Variants in MADD observed in about 807,000 individuals in gnomAD.
MADD encodes the protein MAP kinase-activating death domain protein.
Under a neutral mutation model 176.7 loss-of-function variants are expected in MADD, and 109 were observed. The observed-to-expected ratio is 0.62, with a 90% confidence interval of 0.53 to 0.72. MADD has a LOEUF of 0.72. Ranked by LOEUF, MADD falls within the 30% of genes least tolerant of loss-of-function variation. The pLI is 0.00. For synonymous variants in MADD, 771 were observed against 771.3 expected, an observed-to-expected ratio of 1.00 and a Z score of 0.01; for missense variants, 1,914 against 2,045.5, an observed-to-expected ratio of 0.94 and a Z score of 1.24.
Position 47,324,594 on chromosome 11 carries a change from G to A in MADD, c.4542+17G>A, listed in dbSNP as rs2290148. ...CACAATCAGGTAGGTGCGAGCGGCA[G>A]CACGAGGCTCCCTGTCGTTCCATCT... On this transcript the variant is annotated intron_variant, in intron 30 of 32. Coordinates refer to ENST00000402192, the Ensembl canonical transcript of MADD. The A allele has an allele frequency of 0.21, 334,901 of 1,562,622 alleles. 43,836 individuals are homozygous for A. Among genetic ancestry groups the A allele is most frequent in the East Asian group, 0.6 (26,938 of 44,606 alleles).
chr11:47,282,377 C>G lies in MADD; in HGVS notation c.1470-4C>G, dbSNP rs755818422. On this transcript the variant is annotated splice_polypyrimidine_tract_variant and splice_region_variant and intron_variant, in intron 8 of 32. Coordinates refer to ENST00000402192, the Ensembl canonical transcript of MADD. ...TCAGATTATCTCATCATCTGCTTCCCCAGGGTTGCCATGGTACGGTTCTTC... is the reference window on the plus strand; with the variant it reads ...TCAGATTATCTCATCATCTGCTTCCGCAGGGTTGCCATGGTACGGTTCTTC... 5 of 1,612,954 alleles carry G rather than the reference C, an allele frequency of 3.1e-6. No individual in the cohort carries two copies. Among genetic ancestry groups the G allele is most frequent in the Non-Finnish European group, 4.2e-6 (5 of 1,179,102 alleles).
At chr11:47,327,933 C>G in intron 31 of MADD, 1 of 985,344 alleles carries the variant, frequency 1.0e-6, no homozygotes, top group South Asian at 4.7e-5. Context: ...GGGGGACTCT[C>G]ACTCTTGCCT....
intron 23 of MADD, 59 bp from the exon 27 acceptor site, chr11:47,309,222 T>C (rs1305610791): frequency 6.3e-7 from 1 of 1,581,818 alleles, no homozygotes; most frequent in Non-Finnish European, 8.6e-7. Flanking sequence ...TTATTTTTGT[T>C]TGGCAGCTAT....
intron 31 of MADD, chr11:47,328,295 G>A (rs753992): frequency 0.19 from 214,671 of 1,158,666 alleles, 22,146 homozygotes; most frequent in East Asian, 0.57. Context: ...GCCAAAACCT[G>A]GGAATTCCCC....
At chr11:47,278,013 T>G in intron 5 of MADD, 152 bp from the exon 6 acceptor site, 1 of 631,496 alleles carries the variant, frequency 1.6e-6, no homozygotes, top group Non-Finnish European at 2.9e-6. Flanking sequence ...TTTCAAAAAA[T>G]CTGAAAAATT....
intron 27 of MADD, among the ~76,000 whole-genome samples, chr11:47,319,182 A>T (rs1275085905): frequency 3.5e-5 from 5 of 144,054 alleles, no homozygotes; most frequent in African/African-American, 1.3e-4. Context: ...CCCAGGCTGG[A>T]GTGCAGTGGC....
intron 16 of MADD, 64 bp downstream of exon 17, chr11:47,289,557 CT>C: frequency 1.5e-6 from 2 of 1,340,128 alleles, no homozygotes; most frequent in Non-Finnish European, 2.1e-6. Context: ...CTCTACAGAA[CT>C]TTAGGGATGC....
At chr11:47,316,173 G>A (rs200096197) in intron 27 of MADD, among the ~76,000 whole-genome samples, 5 of 134,430 alleles carry the variant, frequency 3.7e-5, no homozygotes, top group Admixed American at 2.2e-4. Flanking sequence ...ACACACACGC[G>A]CACACACATA....
chr11:47,283,610 C>T (rs1481703143), intron 10 of MADD, among the ~76,000 whole-genome samples: 3 of 152,130 alleles, frequency 2.0e-5, no homozygotes, highest in Non-Finnish European at 2.9e-5. Flanking sequence ...CTTGCTCTGT[C>T]GCCCAGGCTA....
chr11:47,284,145 TTTTG>T, intron 10 of MADD, 29 bp from the exon 11 acceptor site: 2 of 1,444,204 alleles, frequency 1.4e-6, no homozygotes, highest in African/African-American at 1.4e-5. Context: ...CCCCTTTCTG[TTTTG>T]TTTGTTTTTT....
At chr11:47,286,381 C>G (rs1376209494) in intron 14 of MADD, 52 bp from the exon 15 acceptor site, 3 of 1,202,018 alleles carry the variant, frequency 2.5e-6, no homozygotes, top group Non-Finnish European at 3.7e-6. Context: ...TAGTCTACTG[C>G]TTTGATTACT....
Position 47,304,881 on chromosome 11 carries a change from G to C in MADD, c.3643-3710G>C, listed in dbSNP as rs374024664. ...AACAGTCACTTCTTCCAAACTCTCT[G>C]GAGTGGCTTTCATAGAGAAAGACTT... is the stretch of plus-strand genomic sequence containing the variant. On this transcript the variant is annotated intron_variant, in intron 22 of 32. Coordinates refer to ENST00000402192, the Ensembl canonical transcript of MADD. Among the ~76,000 whole-genome samples, 17 of 152,112 alleles carry C rather than the reference G, an allele frequency of 1.1e-4. No homozygotes were observed. In the South Asian group the frequency reaches 2.1e-3, roughly 19 times the overall value.
chr11:47,284,898 A>G, intron 12 of MADD, 43 bp from the exon 13 acceptor site: 1 of 1,608,564 alleles, frequency 6.2e-7, no homozygotes, highest in Non-Finnish European at 8.5e-7. Context: ...GGAAGGTACC[A>G]TTGGGCACCA....
chr11:47,290,932 G>C (rs940693032), intron 19 of MADD, 116 bp downstream of exon 20: 2 of 818,098 alleles, frequency 2.4e-6, no homozygotes, highest in African/African-American at 3.4e-5. Flanking sequence ...TCTTAGAGAG[G>C]GAAGGGGGCC....
Position 47,317,944 on chromosome 11 carries a change from GT to G in MADD, c.4197+2622del, listed in dbSNP as rs535391980. On this transcript the variant is annotated intron_variant, in intron 27 of 32. Coordinates refer to ENST00000402192, the Ensembl canonical transcript of MADD. Reference sequence around the variant, plus strand: ...GCCACCACACCCGGCTAATTTTTGTGTTTTTAGTAGAGATGGGGTTTTACCA... The same window carrying G: ...GCCACCACACCCGGCTAATTTTTGTGTTTTAGTAGAGATGGGGTTTTACCA... 4.1e-4 allele frequency among the ~76,000 whole-genome samples: 62 copies of G among 151,840 alleles called. 1 individual carries two copies. The South Asian group carries it at 7.9e-3, about 19-fold the overall frequency.
At chr11:47,307,688 A>G (rs894439107) in intron 22 of MADD, among the ~76,000 whole-genome samples, 4 of 151,750 alleles carry the variant, frequency 2.6e-5, no homozygotes, top group Non-Finnish European at 5.9e-5. Flanking sequence ...CTGTCACCCA[A>G]GTTGGAGTCT....
intron 23 of MADD, 48 bp from the exon 27 acceptor site, chr11:47,309,233 A>G (rs1392517870): frequency 6.3e-7 from 1 of 1,592,166 alleles, no homozygotes; most frequent in South Asian, 1.1e-5. Flanking sequence ...TGGCAGCTAT[A>G]TTCTTAAATG....
chr11:47,314,311 A>G (rs538213874), intron 26 of MADD, among the ~76,000 whole-genome samples: 121 of 151,928 alleles, frequency 8.0e-4, no homozygotes, highest in African/African-American at 2.6e-3. Context: ...CTGGGCTCAA[A>G]CGGTACTCCT....
chr11:47,286,067 G>A (rs1294183422), intron 14 of MADD, among the ~76,000 whole-genome samples: 1 of 152,244 alleles, frequency 6.6e-6, no homozygotes, highest in East Asian at 1.9e-4. Flanking sequence ...ACTAGAGAGA[G>A]CGAACGTAGA....
Sources: gnomAD v4.1 joint callset for allele counts (sites outside exome capture counted in the v4.1 genomes callset) on GRCh38, gnomAD v4.1.1 for gene constraint, MANE v1.5 for transcripts, NCBI Gene and HGNC (gene_info 2026-07-23, HGNC 2026-07-21) for gene names.